COX4I1: variants seen among roughly 807,000 people sequenced by gnomAD.
COX4I1 encodes the protein cytochrome c oxidase subunit 4 isoform 1, mitochondrial.
In COX4I1, 18 loss-of-function variants were observed where a neutral mutation model predicts 21.7. The observed-to-expected ratio is 0.83, with a 90% CI of 0.57 to 1.23. The LOEUF (loss-of-function observed/expected upper bound fraction) is 1.23, where lower values mean the gene tolerates loss of function less well. Among genes scored for constraint, COX4I1 ranks in the 50% most tolerant of loss-of-function variants. The pLI is 0.00. For missense variants in COX4I1, 238 were observed against 220.7 expected, an observed-to-expected ratio of 1.08 and a Z score of -0.50; for synonymous variants, 100 against 81.5, an observed-to-expected ratio of 1.23 and a Z score of -1.23.
chr16:85,800,640 TG>T (rs1905646207), intron 1 of COX4I1, among the ~76,000 whole-genome samples: 1 of 152,216 alleles, frequency 6.6e-6, no homozygotes, highest in Non-Finnish European at 1.5e-5. Context: ...TTTTTTTGTT[TG>T]AGACGGACTC....
chr16:85,806,949 C>A lies in COX4I1; in HGVS notation c.*75C>A. On this transcript the variant is annotated 3_prime_UTR_variant, in exon 5 of 5. Coordinates refer to ENST00000253452, the MANE Select transcript of COX4I1 (RefSeq NM_001861.6). ...CAACTCCATGCCTATTTACTGGAAA[C>A]CTGTTATGCCAAACAGTTGTACCAC... The A allele has an allele frequency of 6.7e-7, 1 of 1,500,970 alleles. No homozygotes were observed. The highest frequency in any genetic ancestry group is 9.1e-7 in the Non-Finnish European group (1 of 1,103,158). The allele number at this position is 1,500,970 out of a possible 1,614,324, so 93.0% of individuals were successfully genotyped here. A position where few individuals can be genotyped will look rare whatever the true frequency, so the allele number is the denominator to read the frequency against.
intron 4 of COX4I1, 113 bp downstream of exon 4, chr16:85,805,977 A>T (rs1906169069): frequency 4.9e-6 from 7 of 1,418,308 alleles, no homozygotes; most frequent in Middle Eastern, 2.1e-4. Flanking sequence ...TAGGGACTGC[A>T]TTCCAGAGTT....
chr16:85,804,567 A>G (rs1759182585), intron 2 of COX4I1: 1 of 166,690 alleles, frequency 6.0e-6, no homozygotes, highest in South Asian at 1.4e-4. Context: ...CATGTTAGCC[A>G]GGATGGTCTC....
At chr16:85,803,193 T>C (rs1432930001) in intron 2 of COX4I1, 2 of 152,250 alleles carry the variant, frequency 1.3e-5, no homozygotes, top group African/African-American at 4.8e-5. Flanking sequence ...GTGTTCTTTA[T>C]AGTTCACTCA....
intron 3 of COX4I1, 166 bp from the exon 4 acceptor site, chr16:85,805,567 G>C (rs948935720): frequency 2.1e-6 from 2 of 933,448 alleles, no homozygotes; most frequent in East Asian, 2.6e-5. Flanking sequence ...GCGTGGGCAC[G>C]TGTGTGCACG....
chr16:85,806,894 G>A lies in COX4I1; in HGVS notation c.*20G>A. ...AAGTGAGAGATGCTGGCCTGCGCCT[G>A]CACCTGCGCCTGGCTCTGTCACCGC... On this transcript the variant is annotated 3_prime_UTR_variant, in exon 5 of 5. Transcript: ENST00000253452. 6.2e-7 allele frequency: 1 copy of A among 1,603,606 alleles called. No homozygotes were observed.
intron 2 of COX4I1, 37 bp downstream of exon 2, chr16:85,801,315 C>A (rs753295579): frequency 6.4e-7 from 1 of 1,571,432 alleles, no homozygotes. Flanking sequence ...ATAGGCTGAA[C>A]TAATTTCATT....
chr16:85,806,295 G>C (rs1597220023), intron 4 of COX4I1: 8 of 607,068 alleles, frequency 1.3e-5, no homozygotes, highest in Middle Eastern at 4.3e-4. Context: ...TTTGTGTGTG[G>C]GCATTGCCGG....
chr16:85,800,515 G>C (rs923740572), intron 1 of COX4I1, among the ~76,000 whole-genome samples: 7 of 152,192 alleles, frequency 4.6e-5, no homozygotes, highest in Non-Finnish European at 7.3e-5. Context: ...CGGTCCCTGT[G>C]AGCTGTCACC....
chr16:85,806,014 G>C (rs1450832217), intron 4 of COX4I1, 150 bp downstream of exon 4: 13 of 1,106,424 alleles, frequency 1.2e-5, no homozygotes, highest in Non-Finnish European at 1.6e-5. Context: ...CCAGGCCTTG[G>C]TGACCTGGAG....
chr16:85,805,442 C>T (rs967041671), intron 3 of COX4I1: 3 of 538,304 alleles, frequency 5.6e-6, no homozygotes, highest in Non-Finnish European at 9.8e-6. Flanking sequence ...AGAAAAATAA[C>T]AAGATTAAAT....
Position 85,801,213 on chromosome 16 carries a change from C to CT in COX4I1, c.9dup (p.Thr4TyrfsTer5), listed in dbSNP as rs768853744. 6.2e-7 allele frequency: 1 copy of CT among 1,607,644 alleles called. No individual in the cohort carries two copies. Among genetic ancestry groups the CT allele is most frequent in the Non-Finnish European group, 8.5e-7 (1 of 1,174,496 alleles). On this transcript the variant is annotated frameshift_variant, in exon 2 of 5. Transcript: ENST00000253452. LOFTEE classifies it high-confidence loss of function. ...ACATTTTTATCTTTCAGAATGTTGG[C>CT]TACCAGGGTATTTAGCCTAGTTGGC...
chr16:85,802,060 G>A (rs1010289363), intron 2 of COX4I1, among the ~76,000 whole-genome samples: 12 of 152,146 alleles, frequency 7.9e-5, no homozygotes, highest in Non-Finnish European at 1.5e-5. Context: ...CACCCTGCCT[G>A]GTTAGAGCTG....
At chr16:85,801,161 G>A (rs1490511735) in intron 1 of COX4I1, 44 bp from the exon 2 acceptor site, 2 of 1,520,268 alleles carry the variant, frequency 1.3e-6, no homozygotes, top group Admixed American at 3.4e-5. Context: ...ATTCCTTGCT[G>A]TTTGTCCTTA....
At chr16:85,801,111 C>T in intron 1 of COX4I1, 94 bp from the exon 2 acceptor site, 1 of 1,056,794 alleles carries the variant, frequency 9.5e-7, no homozygotes, top group Admixed American at 1.9e-5. Flanking sequence ...GAGAAGCAAA[C>T]AAAAAAATTC....
In COX4I1 at chr16:85,805,732, G is replaced by A. The variant is rs1413128941; in HGVS notation, c.242-1G>A. ...TAAATGGCTGTCCTCTCTGCCCCCA[G>A]TGTATCGCATTAAGTTCAAGGAGAG... On this transcript the variant is annotated splice_acceptor_variant, in intron 3 of 4. Transcript: ENST00000253452. LOFTEE classifies it high-confidence loss of function. 3 of 1,614,180 alleles carry A rather than the reference G, an allele frequency of 1.9e-6. No individual in the cohort carries two copies. The South Asian group carries it at 3.3e-5, about 18-fold the overall frequency.
intron 2 of COX4I1, among the ~76,000 whole-genome samples, chr16:85,802,883 C>A (rs116972724): frequency 1.3e-5 from 2 of 152,204 alleles, no homozygotes; most frequent in Admixed American, 6.5e-5. Flanking sequence ...GGTTTGCATG[C>A]GCCAAGGTTT....
At chr16:85,804,759 T>C (rs1906037682) in intron 2 of COX4I1, 178 bp from the exon 3 acceptor site, 1 of 566,386 alleles carries the variant, frequency 1.8e-6, no homozygotes, top group African/African-American at 1.9e-5. Flanking sequence ...TGATGAGAAG[T>C]GCTTCTGTTC....
intron 2 of COX4I1, among the ~76,000 whole-genome samples, chr16:85,802,037 T>C (rs529511327): frequency 6.6e-6 from 1 of 152,144 alleles, no homozygotes; most frequent in East Asian, 1.9e-4. Flanking sequence ...TTTCATTGCC[T>C]TAGTAGAGTC....
Sources: gnomAD v4.1 joint callset for allele counts (sites outside exome capture counted in the v4.1 genomes callset) on GRCh38, gnomAD v4.1.1 for gene constraint, MANE v1.5 for transcripts, NCBI Gene and HGNC (gene_info 2026-07-23, HGNC 2026-07-21) for gene names.